PLEKHA2: variants seen among roughly 807,000 people sequenced by gnomAD.
PLEKHA2 encodes pleckstrin homology domain-containing family A member 2.
In PLEKHA2, 28 loss-of-function variants were observed where a neutral mutation model predicts 53.2. The ratio of observed to expected loss-of-function variants is 0.53; its 90% CI spans 0.39 to 0.72. The LOEUF is 0.72. Among genes scored for constraint, PLEKHA2 ranks in the 30% least tolerant of loss-of-function variants. The probability of loss-of-function intolerance (pLI) is 0.00; values close to 1 mark genes in which losing one functional copy is unlikely to be tolerated. For synonymous variants in PLEKHA2, 193 were observed against 196.4 expected, an observed-to-expected ratio of 0.98 and a Z score of 0.14; for missense variants, 426 against 537.9, an observed-to-expected ratio of 0.79 and a Z score of 2.06.
chr8:38,964,853 T>C (rs1404942501), intron 10 of PLEKHA2, among the ~76,000 whole-genome samples: 2 of 33,400 alleles, frequency 6.0e-5, no homozygotes, highest in African/African-American at 1.4e-4. Context: ...GTTACTTCCC[T>C]TTTTTTTTTT....
intron 10 of PLEKHA2, among the ~76,000 whole-genome samples, chr8:38,960,308 A>G (rs956325314): frequency 6.6e-5 from 10 of 152,190 alleles, no homozygotes; most frequent in African/African-American, 2.4e-4. Flanking sequence ...ATATTTATCA[A>G]TTCATTAAAA....
chr8:38,902,289 C>T (rs1354935146), intron 1 of PLEKHA2, among the ~76,000 whole-genome samples: 1 of 151,912 alleles, frequency 6.6e-6, no homozygotes, highest in Non-Finnish European at 1.5e-5. Context: ...GAGAGGGGCG[C>T]AGGGCCCGCT....
intron 2 of PLEKHA2, among the ~76,000 whole-genome samples, chr8:38,930,357 A>G (rs1365633008): frequency 6.6e-6 from 1 of 152,132 alleles, no homozygotes; most frequent in Non-Finnish European, 1.5e-5. Flanking sequence ...GCATGCCACT[A>G]TGCCCGGCTA....
chr8:38,968,701 A>G, intron 11 of PLEKHA2, 32 bp downstream of exon 11: 1 of 1,608,912 alleles, frequency 6.2e-7, no homozygotes, highest in Non-Finnish European at 8.5e-7. Context: ...GCACAGTGTC[A>G]ACTCAGAGAT....
chr8:38,957,789 A>G (rs1371443496), intron 10 of PLEKHA2, among the ~76,000 whole-genome samples: 1 of 152,244 alleles, frequency 6.6e-6, no homozygotes, highest in Non-Finnish European at 1.5e-5. Context: ...CACCAGGTGC[A>G]GAGCCCAGCT....
In PLEKHA2 at chr8:38,970,742, G is replaced by A; in HGVS notation, c.*959G>A. Reference sequence around the variant, plus strand: ...GAACCCAGGAGGTGGAGGTTGCAGTGAGCCAAGATCGCGCCATTGCACTCC... The same window carrying A: ...GAACCCAGGAGGTGGAGGTTGCAGTAAGCCAAGATCGCGCCATTGCACTCC... On this transcript the variant is annotated 3_prime_UTR_variant, in exon 12 of 12. Transcript: ENST00000617275. 1 of 152,752 alleles carries A rather than the reference G, an allele frequency of 6.5e-6. No homozygotes were observed. The highest frequency in any genetic ancestry group is 1.5e-5 in the Non-Finnish European group (1 of 68,310). 9.5% of individuals were successfully genotyped at this position (152,752 alleles called of 1,614,324 possible). A position where few individuals can be genotyped will look rare whatever the true frequency, so the allele number is the denominator to read the frequency against.
At chr8:38,915,457 C>T (rs1194548935) in intron 1 of PLEKHA2, among the ~76,000 whole-genome samples, 5 of 152,334 alleles carry the variant, frequency 3.3e-5, no homozygotes, top group African/African-American at 4.8e-5. Flanking sequence ...CCAGGGCCTG[C>T]GCCTCGGCTT....
At chr8:38,954,093 G>A (rs1179931467) in intron 9 of PLEKHA2, among the ~76,000 whole-genome samples, 3 of 152,192 alleles carry the variant, frequency 2.0e-5, no homozygotes, top group Admixed American at 2.0e-4. Context: ...TTTAGAGACA[G>A]GGTGTTTGTG....
intron 2 of PLEKHA2, 39 bp from the exon 3 acceptor site, chr8:38,935,955 T>G: frequency 6.3e-7 from 1 of 1,599,846 alleles, no homozygotes; most frequent in Non-Finnish European, 8.6e-7. Flanking sequence ...TGGTGCTGTT[T>G]CCACAGCCTT....
intron 1 of PLEKHA2, among the ~76,000 whole-genome samples, chr8:38,915,818 T>A (rs1389595976): frequency 6.6e-6 from 1 of 152,170 alleles, no homozygotes; most frequent in Non-Finnish European, 1.5e-5. Flanking sequence ...CCTGGCAGAA[T>A]TTTAGAAAAA....
chr8:38,940,322 C>T (rs10091635), intron 3 of PLEKHA2, among the ~76,000 whole-genome samples: 52,123 of 151,806 alleles, frequency 0.34, 9,607 homozygotes, highest in African/African-American at 0.46. Context: ...TCGCTTGAAC[C>T]TGGGGGGCGG....
chr8:38,914,561 A>C (rs550952691), intron 1 of PLEKHA2, among the ~76,000 whole-genome samples: 2 of 152,330 alleles, frequency 1.3e-5, no homozygotes, highest in South Asian at 4.1e-4. Flanking sequence ...GAGGGCCTTC[A>C]TGGGCTTGGG....
intron 10 of PLEKHA2, among the ~76,000 whole-genome samples, chr8:38,960,508 A>G (rs1187532302): frequency 6.6e-6 from 1 of 152,212 alleles, no homozygotes; most frequent in Non-Finnish European, 1.5e-5. Context: ...ATGAGCAATC[A>G]TAAACTCATT....
chr8:38,948,946 C>G (rs13273251), intron 5 of PLEKHA2, among the ~76,000 whole-genome samples: 3 of 152,030 alleles, frequency 2.0e-5, no homozygotes, highest in Non-Finnish European at 1.5e-5. Context: ...TCTCGGCTCA[C>G]TGCAACCTCT....
intron 4 of PLEKHA2, among the ~76,000 whole-genome samples, chr8:38,944,186 T>G (rs1260643890): frequency 6.6e-6 from 1 of 152,096 alleles, no homozygotes; most frequent in East Asian, 1.9e-4. Flanking sequence ...CTTGAACTGC[T>G]ATAAAGAAAT....
At chr8:38,951,534 T>TA (rs1834843369) in intron 6 of PLEKHA2, among the ~76,000 whole-genome samples, 1 of 139,624 alleles carries the variant, frequency 7.2e-6, no homozygotes, top group African/African-American at 2.6e-5. Flanking sequence ...GAAGTGCATA[T>TA]ACACATAATC....
intron 10 of PLEKHA2, among the ~76,000 whole-genome samples, chr8:38,968,210 A>T (rs928932332): frequency 6.6e-6 from 1 of 152,120 alleles, no homozygotes; most frequent in African/African-American, 2.4e-5. Context: ...TCGAATCTCT[A>T]CCAGCCATAA....
At chr8:38,930,686 C>T (rs1216380521) in intron 2 of PLEKHA2, among the ~76,000 whole-genome samples, 49 of 152,278 alleles carry the variant, frequency 3.2e-4, no homozygotes, top group Middle Eastern at 3.4e-3. Flanking sequence ...CGGCATGACA[C>T]GGGAATCTCC....
intron 10 of PLEKHA2, among the ~76,000 whole-genome samples, chr8:38,962,484 G>A (rs778703843): frequency 2.2e-4 from 33 of 152,182 alleles, no homozygotes; most frequent in Non-Finnish European, 1.9e-4. Flanking sequence ...ATGGATCATG[G>A]TGACCAAAAA....
Sources: gnomAD v4.1 joint callset for allele counts (sites outside exome capture counted in the v4.1 genomes callset) on GRCh38, gnomAD v4.1.1 for gene constraint, MANE v1.5 for transcripts, NCBI Gene and HGNC (gene_info 2026-07-23, HGNC 2026-07-21) for gene names.